CRTAC1: variants seen among roughly 807,000 people sequenced by gnomAD.
CRTAC1 encodes cartilage acidic protein 1, also known as acidic secreted protein in cartilage.
A neutral mutation model predicts 67.8 loss-of-function variants in CRTAC1; 37 were observed. That is an observed-to-expected ratio of 0.55 (90% confidence interval 0.42 to 0.72). CRTAC1 has a LOEUF of 0.72. Ranked by LOEUF, CRTAC1 falls within the 30% of genes least tolerant of loss-of-function variation. The pLI is 0.00. For synonymous variants in CRTAC1, 348 were observed against 371.0 expected, an observed-to-expected ratio of 0.94 and a Z score of 0.71; for missense variants, 780 against 931.6, an observed-to-expected ratio of 0.84 and a Z score of 2.12.
chr10:97,906,770 G>A (rs1046282585), intron 6 of CRTAC1, among the ~76,000 whole-genome samples: 12 of 152,176 alleles, frequency 7.9e-5, no homozygotes, highest in African/African-American at 2.7e-4. Flanking sequence ...GCTGGGGGTG[G>A]GTGTGCATTC....
chr10:97,900,002 G>A (rs1174379645), intron 8 of CRTAC1, among the ~76,000 whole-genome samples: 13 of 152,212 alleles, frequency 8.5e-5, no homozygotes, highest in Non-Finnish European at 2.9e-5. Context: ...GAATCACCTG[G>A]TGCCTACTGT....
At chr10:97,939,154 G>C (rs928109517) in intron 2 of CRTAC1, among the ~76,000 whole-genome samples, 1 of 152,170 alleles carries the variant, frequency 6.6e-6, no homozygotes, top group African/African-American at 2.4e-5. Flanking sequence ...CCTGAAGCCA[G>C]TTCCAAGGGA....
intron 3 of CRTAC1, among the ~76,000 whole-genome samples, chr10:97,928,472 A>G (rs886277077): frequency 2.6e-5 from 4 of 152,228 alleles, no homozygotes; most frequent in African/African-American, 9.6e-5. Context: ...GTACCAGGCA[A>G]TTCACGTATA....
At chr10:97,950,246 CAGAGAGAGAGAGAG>C (rs71007371) in intron 2 of CRTAC1, among the ~76,000 whole-genome samples, 16 of 113,424 alleles carry the variant, frequency 1.4e-4, no homozygotes, top group East Asian at 2.6e-4. Flanking sequence ...CACACACACA[CAGAGAGAGAGAGAG>C]AGAGAGAGAG....
intron 13 of CRTAC1, among the ~76,000 whole-genome samples, chr10:97,881,847 C>T (rs2050219087): frequency 6.6e-6 from 1 of 152,126 alleles, no homozygotes; most frequent in South Asian, 2.1e-4. Context: ...TCTGTGACTG[C>T]CGAACTGCTC....
Position 97,895,812 on chromosome 10 carries a change from C to A in CRTAC1, c.1317+73G>T, listed in dbSNP as rs1385838180. Reference sequence around the variant, plus strand: ...GCTGGCCAAGCCAGCACCCCGGCACCTTGCCCTCACCAACTCAAGGTACCC... The same window carrying A: ...GCTGGCCAAGCCAGCACCCCGGCACATTGCCCTCACCAACTCAAGGTACCC... On this transcript the variant is annotated intron_variant, in intron 10 of 14. Coordinates refer to ENST00000370597, the MANE Select transcript of CRTAC1 (RefSeq NM_018058.7). This position sits in a 1 kb window ranked among gnomAD's most constrained non-coding sequence, Gnocchi z 4.2. 1 of 1,320,118 alleles carries A rather than the reference C, an allele frequency of 7.6e-7. No individual in the cohort carries two copies. The highest frequency in any genetic ancestry group is 1.4e-5 in the African/African-American group (1 of 69,188). The allele number at this position is 1,320,118 out of a possible 1,614,324, so 81.8% of individuals were successfully genotyped here.
intron 3 of CRTAC1, among the ~76,000 whole-genome samples, chr10:97,935,038 G>A (rs1041887698): frequency 6.6e-6 from 1 of 152,206 alleles, no homozygotes; most frequent in Non-Finnish European, 1.5e-5. Context: ...CCCAAATCAT[G>A]AGACACTGAG....
chr10:97,979,517 C>G (rs2051858512), intron 2 of CRTAC1, among the ~76,000 whole-genome samples: 1 of 152,204 alleles, frequency 6.6e-6, no homozygotes, highest in Non-Finnish European at 1.5e-5. Context: ...TTTTGCTTTT[C>G]TTCTTTCGGC....
intron 14 of CRTAC1, 108 bp from the exon 15 acceptor site, chr10:97,865,822 G>T: frequency 2.4e-5 from 28 of 1,154,484 alleles, no homozygotes; most frequent in African/African-American, 3.1e-5. Flanking sequence ...GCTGCCCGGG[G>T]TGGGAGGGAG....
intron 14 of CRTAC1, chr10:97,870,768 T>C (rs1053016030): frequency 6.6e-6 from 1 of 152,116 alleles, no homozygotes; most frequent in Non-Finnish European, 1.5e-5. Flanking sequence ...AAATGTAATG[T>C]CTGCTCTGCT....
chr10:97,918,146 G>A (rs1169478065), intron 4 of CRTAC1, among the ~76,000 whole-genome samples: 1 of 152,040 alleles, frequency 6.6e-6, no homozygotes, highest in Non-Finnish European at 1.5e-5. Context: ...CCCACCCCGC[G>A]CTTCTTCATT....
At chr10:97,957,268 T>C (rs2051456350) in intron 2 of CRTAC1, among the ~76,000 whole-genome samples, 1 of 151,962 alleles carries the variant, frequency 6.6e-6, no homozygotes, top group South Asian at 2.1e-4. Flanking sequence ...GGTAACAGAA[T>C]TGAGGTGCAG....
rs555879659 is a variant in CRTAC1, at chr10:98,029,829, T to A, written c.24+620A>T. ...CTGGAATGCCTGAAGCCGGCTTGCC[T>A]CAGGCAGCCTGAAGGGAAGACCACA... is the stretch of plus-strand genomic sequence containing the variant. On this transcript the variant is annotated intron_variant, in intron 1 of 14. Transcript: ENST00000370597. This position sits in a 1 kb window ranked among gnomAD's most constrained non-coding sequence, Gnocchi z 4.7. 1.6e-4 allele frequency among the ~76,000 whole-genome samples: 25 copies of A among 152,286 alleles called. No individual in the cohort carries two copies. In the South Asian group the frequency reaches 5.2e-3, roughly 32 times the overall value.
intron 2 of CRTAC1, among the ~76,000 whole-genome samples, chr10:97,960,516 T>C (rs1474981914): frequency 6.6e-6 from 1 of 152,226 alleles, no homozygotes; most frequent in Non-Finnish European, 1.5e-5. Context: ...ACTGCTTACA[T>C]AATAAATCTT....
At chr10:97,972,412 G>A (rs1349253180) in intron 2 of CRTAC1, among the ~76,000 whole-genome samples, 2 of 152,188 alleles carry the variant, frequency 1.3e-5, no homozygotes, top group Non-Finnish European at 2.9e-5. Context: ...GGAAAGCAGG[G>A]AGCCCGGTCT....
At chr10:97,928,508 C>G (rs1313718173) in intron 3 of CRTAC1, among the ~76,000 whole-genome samples, 1 of 152,252 alleles carries the variant, frequency 6.6e-6, no homozygotes, top group Non-Finnish European at 1.5e-5. Flanking sequence ...ACCAAAACCC[C>G]TCGAGGTGGG....
intron 2 of CRTAC1, among the ~76,000 whole-genome samples, chr10:97,999,136 C>T (rs1842640832): frequency 6.6e-6 from 1 of 152,190 alleles, no homozygotes; most frequent in South Asian, 2.1e-4. Flanking sequence ...AGGAGCCCTG[C>T]CCTCCCAGGC....
intron 2 of CRTAC1, among the ~76,000 whole-genome samples, chr10:98,006,647 A>G (rs1842796886): frequency 6.6e-6 from 1 of 152,256 alleles, no homozygotes; most frequent in Non-Finnish European, 1.5e-5. Flanking sequence ...ACCTATTCAA[A>G]GAGTAAATAC....
In CRTAC1 at chr10:97,975,697, A is replaced by T. The variant is rs2136657789; in HGVS notation, c.224+35441T>A. ...AGCCTGCACAGCCTCACACGGGGGTAGGGCTGGGGGAGACGAGGGAAGACT... is the reference window on the plus strand; with the variant it reads ...AGCCTGCACAGCCTCACACGGGGGTTGGGCTGGGGGAGACGAGGGAAGACT... On this transcript the variant is annotated intron_variant, in intron 2 of 14. Transcript: ENST00000370597. The surrounding 1 kb of genome is among the most constrained non-coding windows in gnomAD (Gnocchi z 4.8). Among the ~76,000 whole-genome samples, 1 of 152,280 alleles carries T rather than the reference A, an allele frequency of 6.6e-6. No homozygotes were observed. The highest frequency in any genetic ancestry group is 1.9e-4 in the East Asian group (1 of 5,184).
Sources: allele counts gnomAD v4.1 joint callset (sites outside exome capture counted in the v4.1 genomes callset), GRCh38; gene constraint gnomAD v4.1.1; non-coding constraint Gnocchi (gnomAD v3.1); transcripts MANE v1.5; gene names NCBI Gene and HGNC (gene_info 2026-07-23, HGNC 2026-07-21).